SHLD2: variants seen among roughly 807,000 people sequenced by gnomAD.
The protein encoded by SHLD2 is RINN1-REV7-interacting novel NHEJ regulator 2.
A neutral mutation model predicts 73.2 loss-of-function variants in SHLD2; 30 were observed. The observed-to-expected ratio is 0.41, with a 90% confidence interval of 0.31 to 0.56. SHLD2 has a LOEUF of 0.56. SHLD2 is among the 20% of genes least tolerant of loss of function. The pLI is 0.28. For synonymous variants in SHLD2, 285 were observed against 370.1 expected, an observed-to-expected ratio of 0.77 and a Z score of 2.64; for missense variants, 745 against 1,055.9, an observed-to-expected ratio of 0.71 and a Z score of 4.08.
At chr10:87,108,106 A>G (rs185483105) in intron 2 of SHLD2, among the ~76,000 whole-genome samples, 1 of 151,932 alleles carries the variant, frequency 6.6e-6, no homozygotes, top group East Asian at 1.9e-4. Context: ...CAGGAGTGCA[A>G]TGGCGTGATC....
chr10:87,167,253 G>A (rs1847266020), intron 4 of SHLD2, among the ~76,000 whole-genome samples: 2 of 152,186 alleles, frequency 1.3e-5, no homozygotes, highest in Admixed American at 6.5e-5. Context: ...GTAGAATTAT[G>A]TGAAAAATCT....
chr10:87,102,439 G>A (rs1842328125), intron 2 of SHLD2, among the ~76,000 whole-genome samples: 1 of 152,144 alleles, frequency 6.6e-6, no homozygotes, highest in South Asian at 2.1e-4. Flanking sequence ...TGGGCACAGT[G>A]GCTCACGCCT....
chr10:87,094,838 A>T, upstream of SHLD2: 1 of 1,235,168 alleles, frequency 8.1e-7, no homozygotes. The surrounding 1 kb of genome is among the most constrained non-coding windows in gnomAD (Gnocchi z 6.6). Context: ...CCCCGCGACT[A>T]GGGAGGAAGG....
intron 2 of SHLD2, among the ~76,000 whole-genome samples, chr10:87,113,018 A>G (rs1192127717): frequency 2.0e-5 from 3 of 152,164 alleles, no homozygotes; most frequent in Non-Finnish European, 4.4e-5. Context: ...AGATCAGCTG[A>G]TGAATGGATA....
chr10:87,108,592 A>G (rs958091986), intron 2 of SHLD2, among the ~76,000 whole-genome samples: 10 of 152,136 alleles, frequency 6.6e-5, no homozygotes, highest in African/African-American at 2.4e-4. Flanking sequence ...GGTGTGAGCC[A>G]TTGTGCTTGG....
At chr10:87,138,567 C>CAACCATG (rs1286581245) in intron 2 of SHLD2, among the ~76,000 whole-genome samples, 1 of 152,062 alleles carries the variant, frequency 6.6e-6, no homozygotes, top group Non-Finnish European at 1.5e-5. Flanking sequence ...TGTGATTATA[C>CAACCATG]AACCATGAAA....
chr10:87,130,631 C>T (rs1844361022), intron 2 of SHLD2, among the ~76,000 whole-genome samples: 1 of 152,124 alleles, frequency 6.6e-6, no homozygotes. Context: ...CAGGCGCTAT[C>T]TGTTACCAGT....
intron 8 of SHLD2, among the ~76,000 whole-genome samples, chr10:87,183,846 C>G (rs1260046292): frequency 1.3e-5 from 2 of 152,230 alleles, no homozygotes; most frequent in Non-Finnish European, 2.9e-5. Flanking sequence ...TCAGGCCCTT[C>G]TTTCTCAGCC....
At chr10:87,188,515 G>T (rs1027721210) in intron 9 of SHLD2, among the ~76,000 whole-genome samples, 4 of 152,244 alleles carry the variant, frequency 2.6e-5, no homozygotes, top group East Asian at 1.9e-4. Flanking sequence ...GTCTTGCCCT[G>T]CCCCCAGTCT....
At chr10:87,139,330 CTT>C (rs1443666992) in intron 2 of SHLD2, among the ~76,000 whole-genome samples, 2 of 152,180 alleles carry the variant, frequency 1.3e-5, no homozygotes, top group Admixed American at 6.6e-5. Context: ...AAACTAAACT[CTT>C]TTAAAGAATA....
chr10:87,136,310 AGTATATTTAGAGACTAAAGCAT>A (rs1034782629), intron 2 of SHLD2, among the ~76,000 whole-genome samples: 2 of 151,840 alleles, frequency 1.3e-5, no homozygotes, highest in African/African-American at 4.8e-5. Context: ...AAGATGCGCT[AGTATATTTAGAGACTAAAGCAT>A]GTAGTATATG....
chr10:87,094,810 G>A, upstream of SHLD2: 3 of 1,479,264 alleles, frequency 2.0e-6, no homozygotes, highest in South Asian at 2.4e-5. The surrounding 1 kb of genome is among the most constrained non-coding windows in gnomAD (Gnocchi z 6.6). Flanking sequence ...TCGCGAAACA[G>A]GCGCGCTTTC....
At chr10:87,124,260 TA>T (rs1173454810) in intron 2 of SHLD2, among the ~76,000 whole-genome samples, 1 of 152,002 alleles carries the variant, frequency 6.6e-6, no homozygotes, top group Admixed American at 6.6e-5. Context: ...TGTGAGGCTA[TA>T]CACAGTGGCT....
intron 9 of SHLD2, among the ~76,000 whole-genome samples, chr10:87,190,197 T>C (rs1347372162): frequency 2.0e-5 from 3 of 152,208 alleles, no homozygotes; most frequent in Non-Finnish European, 4.4e-5. Context: ...TAGCTGGGAT[T>C]ACAGGCATGT....
chr10:87,161,838 G>T (rs1846840086), intron 4 of SHLD2, among the ~76,000 whole-genome samples: 1 of 151,934 alleles, frequency 6.6e-6, no homozygotes, highest in Admixed American at 6.6e-5. Flanking sequence ...CAGAGGAGGG[G>T]AACTAGCTTT....
intron 8 of SHLD2, among the ~76,000 whole-genome samples, chr10:87,185,068 G>A (rs1291883194): frequency 1.3e-5 from 2 of 152,124 alleles, no homozygotes; most frequent in African/African-American, 4.8e-5. Context: ...CTCATTAGCA[G>A]TCACTCTCCA....
At chr10:87,112,538 G>A (rs1287254789) in intron 2 of SHLD2, among the ~76,000 whole-genome samples, 2 of 151,732 alleles carry the variant, frequency 1.3e-5, no homozygotes, top group Non-Finnish European at 2.9e-5. Context: ...AGAAGCTGAG[G>A]TGGGAGGATC....
At chr10:87,179,972 T>C in intron 7 of SHLD2, 103 bp from the exon 8 acceptor site, 1 of 763,456 alleles carries the variant, frequency 1.3e-6, no homozygotes, top group South Asian at 1.5e-5. Context: ...TGTATCCTTT[T>C]ACTACAAGTG....
At chr10:87,104,827 A>C (rs1369362507) in intron 2 of SHLD2, among the ~76,000 whole-genome samples, 1 of 151,636 alleles carries the variant, frequency 6.6e-6, no homozygotes, top group Non-Finnish European at 1.5e-5. Flanking sequence ...CGCCCGCCTA[A>C]TTTTTGTACT....
Sources: allele counts gnomAD v4.1 joint callset (sites outside exome capture counted in the v4.1 genomes callset), GRCh38; gene constraint gnomAD v4.1.1; non-coding constraint Gnocchi (gnomAD v3.1); transcripts MANE v1.5; gene names NCBI Gene and HGNC (gene_info 2026-07-23, HGNC 2026-07-21).